Variants in NT5DC3 observed in about 807,000 individuals in gnomAD.
NT5DC3 encodes the protein 5'-nucleotidase domain-containing protein 3.
In NT5DC3, 42 loss-of-function variants were observed where a neutral mutation model predicts 67.8. The observed-to-expected ratio is 0.62, with a 90% CI of 0.48 to 0.80. NT5DC3 has a LOEUF of 0.80. NT5DC3 is among the 30% of genes least tolerant of loss of function. NT5DC3 has a pLI of 0.00. For missense variants in NT5DC3, 570 were observed against 696.4 expected (o/e 0.82, Z 2.04); for synonymous variants, 237 against 255.6 (o/e 0.93, Z 0.69).
At chr12:103,761,034 T>C in the NT5DC3 span, among the ~76,000 whole-genome samples, 1 of 152,110 alleles carries the variant, frequency 6.6e-6, no homozygotes, top group African/African-American at 2.4e-5. Context: ...TCAGGCCACT[T>C]TCCTTCTGAT....
intron 12 of NT5DC3, among the ~76,000 whole-genome samples, chr12:103,782,514 T>C (rs12425283): frequency 0.11 from 17,088 of 152,120 alleles, 1,458 homozygotes; most frequent in East Asian, 0.46. Flanking sequence ...AGTGCAGAGG[T>C]GGGTAGCTGC....
the NT5DC3 span, chr12:103,763,719 T>C: frequency 3.8e-6 from 4 of 1,060,740 alleles, no homozygotes; most frequent in Non-Finnish European, 4.2e-6. Flanking sequence ...ATTTCTAGAA[T>C]GTATGTCAGG....
At chr12:103,761,293 TC>T in the NT5DC3 span, 2 of 1,613,456 alleles carry the variant, frequency 1.2e-6, no homozygotes, top group East Asian at 4.5e-5. Context: ...TCTTCTCATT[TC>T]CCTAGACGGA....
At chr12:103,757,594 G>T in the NT5DC3 span, among the ~76,000 whole-genome samples, 1 of 152,236 alleles carries the variant, frequency 6.6e-6, no homozygotes, top group Non-Finnish European at 1.5e-5. Context: ...TGGGGAGAAA[G>T]TGACATGTAA....
intron 6 of NT5DC3, among the ~76,000 whole-genome samples, chr12:103,796,543 ACCCTTG>A (rs1250632016): frequency 6.6e-6 from 1 of 151,810 alleles, no homozygotes; most frequent in Non-Finnish European, 1.5e-5. Context: ...AAGAAGAGGC[ACCCTTG>A]CTCGGGCAGA....
the NT5DC3 span, chr12:103,755,025 G>A: frequency 2.5e-6 from 1 of 406,628 alleles, no homozygotes; most frequent in Non-Finnish European, 4.5e-6. Flanking sequence ...TAGTATCAAT[G>A]GATGACAGCA....
intron 11 of NT5DC3, 27 bp from the exon 12 acceptor site, chr12:103,785,502 A>T (rs748044208): frequency 8.1e-6 from 13 of 1,612,490 alleles, no homozygotes; most frequent in South Asian, 4.4e-5. Flanking sequence ...CGAAAAGTCA[A>T]CGTCAGTCTC....
intron 5 of NT5DC3, among the ~76,000 whole-genome samples, chr12:103,797,368 G>C (rs1593401740): frequency 6.6e-6 from 1 of 151,942 alleles, no homozygotes; most frequent in Non-Finnish European, 1.5e-5. Context: ...TACTCAGGAG[G>C]CTGAGGCAGG....
At chr12:103,756,996 AATATATATATATATATATAT>A in the NT5DC3 span, among the ~76,000 whole-genome samples, 1 of 56,382 alleles carries the variant, frequency 1.8e-5, no homozygotes, top group Non-Finnish European at 3.1e-5. Flanking sequence ...AAGGAGGGAA[AATATATATATATATATATAT>A]ATATATATAT....
the NT5DC3 span, chr12:103,749,056 G>A: frequency 1.2e-6 from 2 of 1,614,126 alleles, no homozygotes; most frequent in Admixed American, 3.3e-5. Context: ...TGCCAGAAGG[G>A]ATACAAAGGG....
intron 1 of NT5DC3, among the ~76,000 whole-genome samples, chr12:103,816,436 A>G (rs1046322542): frequency 6.6e-6 from 1 of 152,212 alleles, no homozygotes; most frequent in Admixed American, 6.5e-5. Context: ...TAACACTGCA[A>G]TGAGCACCTT....
intron 1 of NT5DC3, among the ~76,000 whole-genome samples, chr12:103,834,430 T>G (rs1244693119): frequency 6.6e-6 from 1 of 152,034 alleles, no homozygotes; most frequent in African/African-American, 2.4e-5. Context: ...CAGGAAAAAG[T>G]CTGAGAAACT....
At chr12:103,828,591 A>C (rs576492953) in intron 1 of NT5DC3, among the ~76,000 whole-genome samples, 1 of 152,278 alleles carries the variant, frequency 6.6e-6, no homozygotes, top group Admixed American at 6.5e-5. Flanking sequence ...CTACCATCCA[A>C]GTGGGATATA....
intron 1 of NT5DC3, among the ~76,000 whole-genome samples, chr12:103,816,125 T>C (rs1452306013): frequency 6.6e-6 from 1 of 152,234 alleles, no homozygotes; most frequent in African/African-American, 2.4e-5. Context: ...CTTTCATATA[T>C]ATTGGTGTGC....
At chr12:103,765,270 T>A in the NT5DC3 span, among the ~76,000 whole-genome samples, 1 of 152,124 alleles carries the variant, frequency 6.6e-6, no homozygotes, top group Non-Finnish European at 1.5e-5. Context: ...ATCAGCACCA[T>A]GCATGAAAGA....
chr12:103,758,233 C>T, the NT5DC3 span: 12 of 1,614,044 alleles, frequency 7.4e-6, no homozygotes, highest in East Asian at 2.5e-4. Flanking sequence ...CCTGACTGAC[C>T]TGTCCATCCG....
chr12:103,825,327 TCA>T (rs1373675967), intron 1 of NT5DC3, among the ~76,000 whole-genome samples: 8 of 152,120 alleles, frequency 5.3e-5, no homozygotes, highest in Non-Finnish European at 1.0e-4. Flanking sequence ...CAGAAATCCA[TCA>T]CACTTCTTGA....
At chr12:103,840,652 G>C (rs889822705) in intron 1 of NT5DC3, among the ~76,000 whole-genome samples, 1 of 152,080 alleles carries the variant, frequency 6.6e-6, no homozygotes, top group Non-Finnish European at 1.5e-5. Flanking sequence ...AGCCCCGCGC[G>C]GCCCAAAGCC....
chr12:103,793,530 A>T lies in NT5DC3; in HGVS notation c.815-18T>A, dbSNP rs761923371. 3 of 1,549,810 alleles carry T rather than the reference A, an allele frequency of 1.9e-6. No individual in the cohort carries two copies. Among genetic ancestry groups the T allele is most frequent in the South Asian group, 1.1e-5 (1 of 89,776 alleles). On this transcript the variant is annotated intron_variant, in intron 7 of 13. Transcript: ENST00000392876. Reference sequence around the variant, plus strand: ...GTACTTTTCTAAGAGCAAGAGAAAAATTCACACACAGATTCAGCATGATAT... The same window carrying T: ...GTACTTTTCTAAGAGCAAGAGAAAATTTCACACACAGATTCAGCATGATAT...
Sources: allele counts gnomAD v4.1 joint callset (sites outside exome capture counted in the v4.1 genomes callset), GRCh38; gene constraint gnomAD v4.1.1; transcripts MANE v1.5; gene names NCBI Gene and HGNC (gene_info 2026-07-23, HGNC 2026-07-21).